The following DGKB variants were observed in gnomAD, a reference collection of about 807,000 sequenced individuals.
DGKB encodes diacylglycerol kinase beta, also known as 90 kDa diacylglycerol kinase.
A neutral mutation model predicts 114.3 loss-of-function variants in DGKB; 67 were observed. That is an observed-to-expected ratio of 0.59 (90% CI 0.48 to 0.72). The LOEUF (loss-of-function observed/expected upper bound fraction) is 0.72. DGKB is among the 30% of genes least tolerant of loss of function. The pLI is 0.00. For missense variants in DGKB, 907 were observed against 975.2 expected (o/e 0.93, Z 0.93); for synonymous variants, 398 against 323.1 (o/e 1.23, Z -2.49).
chr7:14,936,100 A>G (rs1785259999), intron 1 of DGKB, among the ~76,000 whole-genome samples: 1 of 152,146 alleles, frequency 6.6e-6, no homozygotes, highest in Non-Finnish European at 1.5e-5. Flanking sequence ...TTTGAGCAAT[A>G]AGGAGCCTCT....
At chr7:14,726,586 A>G (rs7791606) in intron 5 of DGKB, among the ~76,000 whole-genome samples, 6,987 of 152,304 alleles carry the variant, frequency 0.046, 533 homozygotes, top group African/African-American at 0.16. Context: ...ATTAAATCAT[A>G]AACATTTGAA....
chr7:14,747,459 T>C (rs966050762), intron 4 of DGKB, among the ~76,000 whole-genome samples: 4 of 152,136 alleles, frequency 2.6e-5, no homozygotes, highest in African/African-American at 7.2e-5. Context: ...CTTCTCTTGT[T>C]AGTAAAATCT....
intron 21 of DGKB, among the ~76,000 whole-genome samples, chr7:14,388,205 T>C (rs1329485424): frequency 6.7e-6 from 1 of 149,354 alleles, no homozygotes; most frequent in Non-Finnish European, 1.5e-5. Flanking sequence ...GGTGCCATAA[T>C]TTGGAAAAAA....
intron 1 of DGKB, among the ~76,000 whole-genome samples, chr7:14,959,192 AT>A (rs752355320): frequency 1.4e-3 from 217 of 152,196 alleles, no homozygotes; most frequent in Non-Finnish European, 2.3e-3. Flanking sequence ...TCAGAAAAAA[AT>A]ATTATACATT....
At chr7:14,240,406 T>C (rs1793464115) in intron 23 of DGKB, among the ~76,000 whole-genome samples, 1 of 152,096 alleles carries the variant, frequency 6.6e-6, no homozygotes. Flanking sequence ...TTTAAAGTTA[T>C]CATCTTTGGA....
At chr7:14,188,798 G>C (rs1301182032) in intron 23 of DGKB, among the ~76,000 whole-genome samples, 1 of 151,078 alleles carries the variant, frequency 6.6e-6, no homozygotes, top group Non-Finnish European at 1.5e-5. Flanking sequence ...AAAGTATCAA[G>C]TCTCTTATAA....
chr7:14,906,672 C>T (rs1464489320), upstream of DGKB, among the ~76,000 whole-genome samples: 2 of 151,884 alleles, frequency 1.3e-5, no homozygotes, highest in East Asian at 1.9e-4. Context: ...AGGCTGGTCT[C>T]GAACTCCTGA....
At chr7:14,388,590 C>T (rs1234332609) in intron 21 of DGKB, among the ~76,000 whole-genome samples, 1 of 151,606 alleles carries the variant, frequency 6.6e-6, no homozygotes, top group Non-Finnish European at 1.5e-5. Context: ...GGTAACTATA[C>T]TTTTATTGGC....
intron 21 of DGKB, among the ~76,000 whole-genome samples, chr7:14,438,478 T>G (rs1283397049): frequency 6.6e-6 from 1 of 152,026 alleles, no homozygotes; most frequent in African/African-American, 2.4e-5. Context: ...CAAGCCTGAG[T>G]TTGATTATGT....
chr7:14,344,657 C>T (rs947944664), intron 22 of DGKB, among the ~76,000 whole-genome samples: 12 of 151,054 alleles, frequency 7.9e-5, no homozygotes, highest in Admixed American at 2.7e-4. Flanking sequence ...CTCAATATAA[C>T]GAAGTCATTT....
intron 13 of DGKB, among the ~76,000 whole-genome samples, chr7:14,662,128 C>T (rs994142922): frequency 8.6e-5 from 13 of 151,722 alleles, no homozygotes; most frequent in Admixed American, 1.3e-4. Context: ...GTGGGTGCAG[C>T]GCACCAGCAT....
intron 23 of DGKB, among the ~76,000 whole-genome samples, chr7:14,239,934 A>G (rs760647092): frequency 1.3e-5 from 2 of 152,094 alleles, no homozygotes; most frequent in African/African-American, 2.4e-5. Flanking sequence ...ACCTTTATAA[A>G]TCCTTAAAGG....
At chr7:14,324,697 T>A (rs78606209) in intron 23 of DGKB, among the ~76,000 whole-genome samples, 1,955 of 152,144 alleles carry the variant, frequency 0.013, 45 homozygotes, top group African/African-American at 0.045. Flanking sequence ...CCTGTGATGT[T>A]TTCCTTTTTA....
intron 21 of DGKB, among the ~76,000 whole-genome samples, chr7:14,424,844 T>C (rs565728516): frequency 1.3e-5 from 2 of 152,198 alleles, no homozygotes; most frequent in Admixed American, 1.3e-4. Flanking sequence ...TGATCAAATC[T>C]GATGTTTACT....
At chr7:14,959,779 G>T (rs10232102) in intron 1 of DGKB, among the ~76,000 whole-genome samples, 5,863 of 147,532 alleles carry the variant, frequency 0.04, 346 homozygotes, top group African/African-American at 0.14. Flanking sequence ...AAAAAAAAAG[G>T]CAGTTTTCTA....
intron 23 of DGKB, among the ~76,000 whole-genome samples, chr7:14,224,619 G>T (rs1790497011): frequency 6.6e-6 from 1 of 151,726 alleles, no homozygotes; most frequent in Admixed American, 6.6e-5. Context: ...AGCTATTCTG[G>T]GTACTCACAT....
In DGKB at chr7:14,473,271, G is replaced by A. The variant is rs535966054; in HGVS notation, c.1835+4890C>T. ...AGCTGCACCATCCATGGCTGAAAGG[G>A]GCCAACATAGAGCTCAAACCATAGC... On this transcript the variant is annotated intron_variant, in intron 21 of 25. Transcript: ENST00000402815. Among the ~76,000 whole-genome samples the A allele has an allele frequency of 4.6e-5, 7 of 152,230 alleles. No homozygotes were observed. In the South Asian group the frequency reaches 1.2e-3, roughly 27 times the overall value.
At chr7:14,631,265 A>G in intron 13 of DGKB, among the ~76,000 whole-genome samples, 1 of 28,226 alleles carries the variant, frequency 3.5e-5, no homozygotes, top group Non-Finnish European at 1.1e-4. Flanking sequence ...GCAAGAACCA[A>G]AAAAAAAAAA....
chr7:14,623,023 A>T (rs1807933943), intron 14 of DGKB, among the ~76,000 whole-genome samples: 1 of 152,172 alleles, frequency 6.6e-6, no homozygotes, highest in Non-Finnish European at 1.5e-5. Flanking sequence ...CTTTCATCTT[A>T]ATCAAAGTTC....
Sources: allele counts gnomAD v4.1 joint callset (sites outside exome capture counted in the v4.1 genomes callset), GRCh38; gene constraint gnomAD v4.1.1; transcripts MANE v1.5; gene names NCBI Gene and HGNC (gene_info 2026-07-23, HGNC 2026-07-21).